The following CLMN variants were observed in gnomAD, a reference collection of about 807,000 sequenced individuals.
The protein encoded by CLMN is calmin.
A neutral mutation model predicts 92.7 loss-of-function variants in CLMN; 57 were observed. The ratio of observed to expected loss-of-function variants is 0.61; its 90% CI spans 0.50 to 0.77. The LOEUF (loss-of-function observed/expected upper bound fraction) is 0.77, where lower values mean the gene tolerates loss of function less well. CLMN is among the 30% of genes least tolerant of loss of function. CLMN has a pLI of 0.00. For missense variants in CLMN, 1,158 were observed against 1,237.5 expected (o/e 0.94, Z 0.96); for synonymous variants, 466 against 470.6 (o/e 0.99, Z 0.13).
At chr14:95,297,811 GCACA>G (rs3219870) in intron 1 of CLMN, among the ~76,000 whole-genome samples, 2,933 of 144,928 alleles carry the variant, frequency 0.02, 52 homozygotes, top group African/African-American at 0.035. Flanking sequence ...AATATGGCAG[GCACA>G]CACACACACA....
intron 1 of CLMN, among the ~76,000 whole-genome samples, chr14:95,279,894 C>T (rs1322825048): frequency 6.6e-6 from 1 of 151,638 alleles, no homozygotes; most frequent in African/African-American, 2.4e-5. Flanking sequence ...ACTAAAGAAA[C>T]AGTTTTACAT....
At chr14:95,275,995 G>A (rs80048253) in intron 1 of CLMN, among the ~76,000 whole-genome samples, 16,222 of 152,156 alleles carry the variant, frequency 0.11, 1,010 homozygotes, top group African/African-American at 0.17. Flanking sequence ...AACTTGCTTC[G>A]CTTTACTCAG....
At chr14:95,209,309 A>T in intron 8 of CLMN, 86 bp downstream of exon 8, 1 of 1,227,728 alleles carries the variant, frequency 8.1e-7, no homozygotes, top group South Asian at 1.2e-5. Flanking sequence ...TACACAGAGC[A>T]ACGCTGCCCA....
intron 1 of CLMN, among the ~76,000 whole-genome samples, chr14:95,308,842 A>T (rs188667245): frequency 6.6e-6 from 1 of 152,238 alleles, no homozygotes; most frequent in African/African-American, 2.4e-5. Context: ...GTGCGCACGC[A>T]TGGGGGACCT....
At chr14:95,201,792 ATTGTTC>A (rs1896891550) in intron 9 of CLMN, among the ~76,000 whole-genome samples, 1 of 146,620 alleles carries the variant, frequency 6.8e-6, no homozygotes, top group Non-Finnish European at 1.5e-5. Context: ...ATGTGTTCTC[ATTGTTC>A]AACTCCCATT....
At chr14:95,247,265 C>G (rs759353818) in intron 1 of CLMN, among the ~76,000 whole-genome samples, 2 of 152,232 alleles carry the variant, frequency 1.3e-5, no homozygotes, top group Non-Finnish European at 2.9e-5. Context: ...CCCAGGCCAG[C>G]ATTTTCTATG....
rs563637116 is a variant in CLMN at position 95,188,523 on chromosome 14, A to C, written c.*3041T>G. 1 of 152,350 alleles carries C rather than the reference A, an allele frequency of 6.6e-6. No homozygotes were observed. Among genetic ancestry groups the C allele is most frequent in the African/African-American group, 2.4e-5 (1 of 41,578 alleles). 9.4% of individuals were successfully genotyped at this position (152,350 alleles called of 1,614,324 possible). A position where few individuals can be genotyped will look rare whatever the true frequency, so the allele number is the denominator to read the frequency against. On this transcript the variant is annotated 3_prime_UTR_variant, in exon 13 of 13. Coordinates refer to ENST00000298912, the MANE Select transcript of CLMN (RefSeq NM_024734.4). ...CAGAAACATAGACGAAAAATAGAAA[A>C]GATAAAAAATATTAGAGCATCAGCC...
At chr14:95,214,830 T>C (rs1040163351) in intron 5 of CLMN, among the ~76,000 whole-genome samples, 20 of 152,258 alleles carry the variant, frequency 1.3e-4, no homozygotes, top group African/African-American at 4.6e-4. Flanking sequence ...AATGCAGGCA[T>C]TGCGCCAAAA....
At chr14:95,242,734 A>G (rs1898302557) in intron 1 of CLMN, among the ~76,000 whole-genome samples, 1 of 151,498 alleles carries the variant, frequency 6.6e-6, no homozygotes, top group Non-Finnish European at 1.5e-5. Context: ...TGTCCGGCTC[A>G]TTTTTTGTAT....
chr14:95,213,261 G>A lies in CLMN; in HGVS notation c.566C>T (p.Ala189Val), dbSNP rs1456220742. 1 of 1,614,072 alleles carries A rather than the reference G, an allele frequency of 6.2e-7. No homozygotes were observed. Among genetic ancestry groups the A allele is most frequent in the Non-Finnish European group, 8.5e-7 (1 of 1,179,990 alleles). ...VAISVKDQRK[A>V]IKALLAWVQR... ...CACCCACGCCAACAGGGCCTTGATAGCCTTCCTCTGGTCTTTCACCGATAT... is the reference window on the plus strand; with the variant it reads ...CACCCACGCCAACAGGGCCTTGATAACCTTCCTCTGGTCTTTCACCGATAT... The change falls in exon 6 of 13, where the codon GCT becomes GTT. Residue 189 changes from alanine (A) to valine (V), a missense_variant. Physicochemically the swap from Ala to Val is moderately conservative, Grantham distance 64. Transcript: ENST00000298912.
chr14:95,212,699 C>T (rs1897231870), intron 6 of CLMN, among the ~76,000 whole-genome samples: 1 of 152,092 alleles, frequency 6.6e-6, no homozygotes, highest in African/African-American at 2.4e-5. Flanking sequence ...CAAATCTTAT[C>T]AGCTTTGTGC....
At chr14:95,310,149 G>A (rs1901468789) in intron 1 of CLMN, among the ~76,000 whole-genome samples, 1 of 152,144 alleles carries the variant, frequency 6.6e-6, no homozygotes, top group African/African-American at 2.4e-5. Flanking sequence ...GAAGCTTCCT[G>A]AGGCCTCCCC....
At chr14:95,223,924 G>A in intron 2 of CLMN, 69 bp from the exon 3 acceptor site, 1 of 1,084,696 alleles carries the variant, frequency 9.2e-7, no homozygotes, top group Non-Finnish European at 1.4e-6. Flanking sequence ...TGTCAGAGAT[G>A]CAGCTTTCTG....
At chr14:95,232,673 T>C (rs910690570) in intron 1 of CLMN, among the ~76,000 whole-genome samples, 1 of 152,192 alleles carries the variant, frequency 6.6e-6, no homozygotes, top group African/African-American at 2.4e-5. Flanking sequence ...AAGAAGTTAA[T>C]AGAAATGAGG....
intron 1 of CLMN, among the ~76,000 whole-genome samples, chr14:95,272,074 G>T (rs2140723182): frequency 6.6e-6 from 1 of 152,278 alleles, no homozygotes; most frequent in Non-Finnish European, 1.5e-5. Context: ...TTGTCCCAGA[G>T]AAAATATAAA....
chr14:95,226,842 G>A (rs909906142), intron 2 of CLMN, among the ~76,000 whole-genome samples: 24 of 152,198 alleles, frequency 1.6e-4, no homozygotes, highest in Admixed American at 1.3e-3. Context: ...GCCTCCCAAA[G>A]GGCTGGGATT....
intron 1 of CLMN, among the ~76,000 whole-genome samples, chr14:95,244,814 A>G (rs1008794870): frequency 6.6e-6 from 1 of 151,866 alleles, no homozygotes; most frequent in African/African-American, 2.4e-5. Context: ...TCCCCTTCCA[A>G]TGGGGATCAC....
intron 8 of CLMN, among the ~76,000 whole-genome samples, chr14:95,205,996 A>T (rs74076646): frequency 6.6e-6 from 1 of 152,210 alleles, no homozygotes; most frequent in South Asian, 2.1e-4. Context: ...TGATTAAATG[A>T]CAGAGTTTGT....
chr14:95,193,797 T>C, intron 12 of CLMN, 52 bp downstream of exon 12: 1 of 1,606,942 alleles, frequency 6.2e-7, no homozygotes, highest in East Asian at 2.2e-5. Flanking sequence ...GGCTGCAGAA[T>C]GTAAAAACAT....
Sources: gnomAD v4.1 joint callset for allele counts (sites outside exome capture counted in the v4.1 genomes callset) on GRCh38, gnomAD v4.1.1 for gene constraint, MANE v1.5 for transcripts, NCBI Gene and HGNC (gene_info 2026-07-23, HGNC 2026-07-21) for gene names.